The following SMURF2 variants were observed in gnomAD, a reference collection of about 807,000 sequenced individuals.
SMURF2 encodes the protein E3 ubiquitin-protein ligase SMURF2.
SMURF2 carries 48 observed loss-of-function variants against 109.6 expected under a neutral mutation model. That is an observed-to-expected ratio of 0.44 (90% confidence interval 0.35 to 0.56). The LOEUF is 0.56. Among genes scored for constraint, SMURF2 ranks in the 20% least tolerant of loss-of-function variants. The pLI, the probability that SMURF2 is intolerant of heterozygous loss-of-function variation, is 0.01. For missense variants in SMURF2, 575 were observed against 909.0 expected, an observed-to-expected ratio of 0.63 and a Z score of 4.72; for synonymous variants, 288 against 317.1, an observed-to-expected ratio of 0.91 and a Z score of 0.97.
At chr17:64,598,577 T>TTTAGC (rs1969849790) in intron 2 of SMURF2, 87 bp from the exon 3 acceptor site, 1 of 1,086,720 alleles carries the variant, frequency 9.2e-7, no homozygotes, top group Admixed American at 3.2e-5. Context: ...TACAAAAGAT[T>TTTAGC]ATTCCATTCT....
chr17:64,547,476 G>T lies in SMURF2; in HGVS notation c.2071+124C>A. 1.3e-6 allele frequency: 1 copy of T among 776,470 alleles called. No individual in the cohort carries two copies. The highest frequency in any genetic ancestry group is 2.1e-6 in the Non-Finnish European group (1 of 478,818). The allele number at this position is 776,470 out of a possible 1,614,324, so 48.1% of individuals were successfully genotyped here. ...GAGAAGAAGGTATCACAATGTGAGA[G>T]TCACAGATAAGAAGTGAAAAAGAGA... is the stretch of plus-strand genomic sequence containing the variant. On this transcript the variant is annotated intron_variant, in intron 17 of 18. Transcript: ENST00000262435. This position sits in a 1 kb window ranked among gnomAD's most constrained non-coding sequence, Gnocchi z 4.2.
chr17:64,593,432 C>T lies in SMURF2; in HGVS notation c.334+8G>A, dbSNP rs782479280. On this transcript the variant is annotated splice_region_variant and intron_variant, in intron 4 of 18. Transcript: ENST00000262435. ...TTTTTAATTGGAAAAGCACTCGTATCTACTCACAACCAGTGTCTTTGAGGC... is the reference window on the plus strand; with the variant it reads ...TTTTTAATTGGAAAAGCACTCGTATTTACTCACAACCAGTGTCTTTGAGGC... 20 of 1,601,476 alleles carry T rather than the reference C, an allele frequency of 1.2e-5. No homozygotes were observed. Among genetic ancestry groups the T allele is most frequent in the Non-Finnish European group, 1.7e-5 (20 of 1,174,766 alleles).
chr17:64,577,207 T>C (rs1555686139), intron 9 of SMURF2, among the ~76,000 whole-genome samples: 1 of 152,048 alleles, frequency 6.6e-6, no homozygotes, highest in South Asian at 2.1e-4. Flanking sequence ...ATATACACCA[T>C]GGAATACTAT....
intron 1 of SMURF2, among the ~76,000 whole-genome samples, chr17:64,642,382 G>A (rs911321130): frequency 5.3e-5 from 8 of 152,134 alleles, no homozygotes; most frequent in African/African-American, 1.9e-4. Context: ...AAAAGAGAAT[G>A]GATAAATATA....
chr17:64,647,266 G>A (rs1486551013), intron 1 of SMURF2, among the ~76,000 whole-genome samples: 1 of 149,644 alleles, frequency 6.7e-6, no homozygotes, highest in Non-Finnish European at 1.5e-5. Context: ...CTGGAAATCA[G>A]AAGAAACTGA....
Position 64,581,880 on chromosome 17 carries a change from G to A in SMURF2, c.570-889C>T, listed in dbSNP as rs142251876. Among the ~76,000 whole-genome samples the A allele has an allele frequency of 0.013, 1,943 of 151,804 alleles. 19 individuals are homozygous for A. The highest frequency in any genetic ancestry group is 0.021 in the Non-Finnish European group (1,395 of 67,956). On this transcript the variant is annotated intron_variant, in intron 7 of 18. Transcript: ENST00000262435. The surrounding 1 kb of genome is among the most constrained non-coding windows in gnomAD (Gnocchi z 4.3). ...GAATTGCTTGAATCCAGGAGGCAGAGGTTGCAGTGGGCAGAGGTTGCAGTG... is the reference window on the plus strand; with the variant it reads ...GAATTGCTTGAATCCAGGAGGCAGAAGTTGCAGTGGGCAGAGGTTGCAGTG...
In SMURF2 at chr17:64,598,508, C is replaced by A. The variant is rs782518468; in HGVS notation, c.92-18G>T. The A allele has an allele frequency of 1.3e-6, 2 of 1,571,858 alleles. No homozygotes were observed. Among genetic ancestry groups the A allele is most frequent in the Non-Finnish European group, 1.7e-6 (2 of 1,156,802 alleles). On this transcript the variant is annotated intron_variant, in intron 2 of 18. Transcript: ENST00000262435. Reference sequence around the variant, plus strand: ...AGGAAGTCCTGTGAAAAAAGATTTTCTAAAATTAATAATTTGACATTTAAG... The same window carrying A: ...AGGAAGTCCTGTGAAAAAAGATTTTATAAAATTAATAATTTGACATTTAAG...
At chr17:64,565,229 T>G (rs1290801978) in intron 10 of SMURF2, among the ~76,000 whole-genome samples, 2 of 152,062 alleles carry the variant, frequency 1.3e-5, no homozygotes, top group African/African-American at 4.8e-5. Context: ...CCTGGAACTA[T>G]TGTTCCTGAT....
intron 1 of SMURF2, among the ~76,000 whole-genome samples, chr17:64,624,839 G>A (rs190891273): frequency 1.9e-4 from 29 of 152,046 alleles, no homozygotes; most frequent in East Asian, 7.8e-4. Flanking sequence ...GGGAAGGAGA[G>A]GGGAGGGGGA....
chr17:64,545,728 AAAAAAG>A lies in SMURF2; in HGVS notation c.*114_*119del. 6.8e-5 allele frequency: 16 copies of A among 234,868 alleles called. No homozygotes were observed. The highest frequency in any genetic ancestry group is 7.9e-5 in the South Asian group (1 of 12,604). 14.5% of individuals were successfully genotyped at this position (234,868 alleles called of 1,614,324 possible). A position where few individuals can be genotyped will look rare whatever the true frequency, so the allele number is the denominator to read the frequency against. Reference sequence around the variant, plus strand: ...GTGTCCTAAAATGTAAAAAAAAAAAAAAAAAGGGGGGGGGGGGGAGTGTTTTCCTGT... The same window carrying A: ...GTGTCCTAAAATGTAAAAAAAAAAAAGGGGGGGGGGGGAGTGTTTTCCTGT... On this transcript the variant is annotated 3_prime_UTR_variant, in exon 19 of 19. Coordinates refer to ENST00000262435, the MANE Select transcript of SMURF2 (RefSeq NM_022739.4).
intron 1 of SMURF2, among the ~76,000 whole-genome samples, chr17:64,652,520 C>T (rs1333223416): frequency 6.6e-6 from 1 of 152,242 alleles, no homozygotes; most frequent in African/African-American, 2.4e-5. Flanking sequence ...CAGAATCTCG[C>T]TCTGTCGCCC....
chr17:64,611,081 C>G (rs1970037165), intron 1 of SMURF2, among the ~76,000 whole-genome samples: 1 of 152,204 alleles, frequency 6.6e-6, no homozygotes, highest in Non-Finnish European at 1.5e-5. Flanking sequence ...TCTTGCTGTG[C>G]TATAAAACTT....
intron 12 of SMURF2, among the ~76,000 whole-genome samples, chr17:64,559,547 T>C (rs1555684331): frequency 1.3e-5 from 2 of 151,366 alleles, no homozygotes; most frequent in African/African-American, 4.9e-5. Context: ...GAGCCGAGAT[T>C]GCGCCACTGC....
chr17:64,662,207 C>A lies in SMURF2; in HGVS notation c.-327G>T. The A allele has an allele frequency of 1.9e-6, 2 of 1,035,530 alleles. No individual in the cohort carries two copies. The highest frequency in any genetic ancestry group is 4.4e-5 in the South Asian group (1 of 22,536). The allele number at this position is 1,035,530 out of a possible 1,614,324, so 64.1% of individuals were successfully genotyped here. The stretch of plus-strand genomic sequence containing the variant: ...TCCCTCCTCTCGTCTCGGCGAGGCC[C>A]AGTAGCCGACGGGGCTGGTCGGCTG... On this transcript the variant is annotated 5_prime_UTR_variant, in exon 1 of 19. Transcript: ENST00000262435.
At chr17:64,599,617 T>C (rs1969865682) in intron 2 of SMURF2, among the ~76,000 whole-genome samples, 1 of 152,176 alleles carries the variant, frequency 6.6e-6, no homozygotes, top group Admixed American at 6.5e-5. Context: ...GCGGCAGCAT[T>C]AGATGCTCAT....
intron 1 of SMURF2, among the ~76,000 whole-genome samples, chr17:64,644,058 T>C (rs1555692806): frequency 6.6e-6 from 1 of 152,032 alleles, no homozygotes. Context: ...ACTCCTGGAG[T>C]GCAGTGGCAC....
chr17:64,588,784 C>A (rs1274091398), intron 5 of SMURF2, among the ~76,000 whole-genome samples: 1 of 151,952 alleles, frequency 6.6e-6, no homozygotes, highest in South Asian at 2.1e-4. Context: ...CATGCCACAC[C>A]AGCTAATTTT....
chr17:64,571,276 C>A (rs547765647), intron 10 of SMURF2, among the ~76,000 whole-genome samples: 11 of 152,280 alleles, frequency 7.2e-5, no homozygotes, highest in African/African-American at 2.4e-4. Flanking sequence ...TAACCCTTTT[C>A]CTAACATTCC....
chr17:64,555,087 T>G (rs2144594312), intron 14 of SMURF2, 94 bp from the exon 15 acceptor site: 1 of 1,214,030 alleles, frequency 8.2e-7, no homozygotes, highest in East Asian at 2.5e-5. Context: ...AAGATCATTT[T>G]ATAATATAAC....
Sources: allele counts gnomAD v4.1 joint callset (sites outside exome capture counted in the v4.1 genomes callset), GRCh38; gene constraint gnomAD v4.1.1; non-coding constraint Gnocchi (gnomAD v3.1); transcripts MANE v1.5; gene names NCBI Gene and HGNC (gene_info 2026-07-23, HGNC 2026-07-21).